Variants in HFM1 observed in about 807,000 individuals in gnomAD.
HFM1 encodes probable ATP-dependent DNA helicase HFM1.
Under a neutral mutation model 192.1 loss-of-function variants are expected in HFM1, and 169 were observed. That is an observed-to-expected ratio of 0.88 (90% CI 0.78 to 1.00). The LOEUF is 1.00. Ranked by LOEUF, HFM1 falls within the 50% of genes least tolerant of loss-of-function variation. HFM1 has a pLI of 0.00. For synonymous variants in HFM1, 525 were observed against 537.8 expected (o/e 0.98, Z 0.33); for missense variants, 1,661 against 1,668.0 (o/e 1.00, Z 0.07).
intron 13 of HFM1, among the ~76,000 whole-genome samples, chr1:91,353,545 A>G (rs1231190566): frequency 6.6e-6 from 1 of 151,474 alleles, no homozygotes; most frequent in African/African-American, 2.4e-5. Flanking sequence ...AGAAAACAAC[A>G]TAATTGGTGA....
At position 91,318,634 on chromosome 1, in the gene HFM1, G is replaced by A. The variant is rs575838073; in HGVS notation, c.2812+444C>T. 2.0e-5 allele frequency among the ~76,000 whole-genome samples: 3 copies of A among 151,800 alleles called. No homozygotes were observed. The South Asian group carries it at 6.2e-4, about 32-fold the overall frequency. Reference sequence around the variant, plus strand: ...TGAAAATCAGTATTAATACCCTACTGTTATTGAAAACAAAAAAAAAATTAA... The same window carrying A: ...TGAAAATCAGTATTAATACCCTACTATTATTGAAAACAAAAAAAAAATTAA... On this transcript the variant is annotated intron_variant, in intron 25 of 38. Transcript: ENST00000370425.
At chr1:91,351,310 G>C (rs1013457852) in intron 17 of HFM1, among the ~76,000 whole-genome samples, 1 of 151,102 alleles carries the variant, frequency 6.6e-6, no homozygotes, top group Admixed American at 6.6e-5. Flanking sequence ...TACAAATTAG[G>C]GTTTGTTATA....
intron 1 of HFM1, 38 bp downstream of exon 1, chr1:91,404,760 C>G (rs771659313): frequency 1.4e-5 from 6 of 430,014 alleles, no homozygotes; most frequent in Admixed American, 2.5e-5. Context: ...GGCCCCCGTC[C>G]CCACCTTCCC....
chr1:91,303,000 T>A (rs571238783), intron 30 of HFM1, among the ~76,000 whole-genome samples: 11 of 152,316 alleles, frequency 7.2e-5, no homozygotes, highest in Non-Finnish European at 1.3e-4. Context: ...CAATGGACTT[T>A]TAAATTTCTT....
At chr1:91,362,167 C>T (rs1451372521) in intron 13 of HFM1, among the ~76,000 whole-genome samples, 1 of 152,136 alleles carries the variant, frequency 6.6e-6, no homozygotes, top group Admixed American at 6.6e-5. Flanking sequence ...CACTCCTATT[C>T]AACACAGTTT....
chr1:91,352,945 A>C, intron 15 of HFM1, 106 bp downstream of exon 15: 1 of 722,138 alleles, frequency 1.4e-6, no homozygotes, highest in Non-Finnish European at 2.3e-6. Context: ...ATATTCTCAG[A>C]AGAAAAGCAG....
intron 20 of HFM1, among the ~76,000 whole-genome samples, chr1:91,340,332 A>C (rs535021202): frequency 6.6e-6 from 1 of 152,260 alleles, no homozygotes; most frequent in East Asian, 1.9e-4. Context: ...AAGAAAAGAA[A>C]CTCCAACCAT....
rs189479603 is a variant in HFM1, at chr1:91,286,594, A to G, written c.3392-9532T>C. On this transcript the variant is annotated intron_variant, in intron 30 of 38. Coordinates refer to ENST00000370425, the MANE Select transcript of HFM1 (RefSeq NM_001017975.6). ...ATGCAGTCATATTGGATTAGGGTCC[A>G]CCTTAACTTGATTATATCTGTAAAC... is the stretch of plus-strand genomic sequence containing the variant. 3.7e-3 allele frequency among the ~76,000 whole-genome samples: 570 copies of G among 152,262 alleles called. 5 individuals carry two copies. Among genetic ancestry groups the G allele is most frequent in the Non-Finnish European group, 4.6e-3 (314 of 68,022 alleles).
chr1:91,389,305 G>A (rs942578796), intron 4 of HFM1, among the ~76,000 whole-genome samples: 1 of 151,986 alleles, frequency 6.6e-6, no homozygotes, highest in African/African-American at 2.4e-5. Flanking sequence ...AGGATTACAG[G>A]CGCATGCCAC....
At chr1:91,355,672 T>C (rs574994807) in intron 13 of HFM1, among the ~76,000 whole-genome samples, 21 of 152,206 alleles carry the variant, frequency 1.4e-4, no homozygotes, top group African/African-American at 4.6e-4. Flanking sequence ...CACATAAGAA[T>C]TGTAAATATA....
rs565988819 is a variant in HFM1 at position 91,404,793 on chromosome 1, C to T, written c.-28+5G>A. On this transcript the variant is annotated splice_donor_5th_base_variant and intron_variant, in intron 1 of 38. Transcript: ENST00000370425. ...CCCCGCGGGCGTCCGGGCCCCTCTC[C>T]TCACCTCCCTGCGGACAGCTCCTAG... 23 of 451,430 alleles carry T rather than the reference C, an allele frequency of 5.1e-5. No homozygotes were observed. The East Asian group carries it at 1.2e-3, about 24-fold the overall frequency. 28.0% of individuals were successfully genotyped at this position (451,430 alleles called of 1,614,324 possible). A position where few individuals can be genotyped will look rare whatever the true frequency, so the allele number is the denominator to read the frequency against.
chr1:91,347,558 G>T, intron 18 of HFM1, 82 bp from the exon 19 acceptor site: 2 of 788,520 alleles, frequency 2.5e-6, no homozygotes, highest in Non-Finnish European at 4.0e-6. Context: ...GTGAAGAGCA[G>T]TCTAATGAAA....
chr1:91,372,313 C>T (rs1162274292), intron 13 of HFM1, among the ~76,000 whole-genome samples: 1 of 152,100 alleles, frequency 6.6e-6, no homozygotes, highest in Non-Finnish European at 1.5e-5. Flanking sequence ...GCACTATTCA[C>T]AATAGCAAAG....
At chr1:91,399,218 TTCTCC>T (rs1284123648) in intron 2 of HFM1, among the ~76,000 whole-genome samples, 1 of 152,148 alleles carries the variant, frequency 6.6e-6, no homozygotes, top group Non-Finnish European at 1.5e-5. Flanking sequence ...CCCAAAGATT[TTCTCC>T]TCCCTTCTTC....
At chr1:91,399,808 T>C (rs191592556) in intron 2 of HFM1, among the ~76,000 whole-genome samples, 1 of 152,156 alleles carries the variant, frequency 6.6e-6, no homozygotes, top group South Asian at 2.1e-4. Flanking sequence ...TGAAATTTCA[T>C]TGCATGAACA....
chr1:91,290,195 C>T (rs1198283510), intron 30 of HFM1, among the ~76,000 whole-genome samples: 2 of 151,906 alleles, frequency 1.3e-5, no homozygotes, highest in Non-Finnish European at 2.9e-5. Context: ...AATTCAAACA[C>T]AACAATATTA....
chr1:91,366,549 C>T (rs974913200), intron 13 of HFM1, among the ~76,000 whole-genome samples: 9 of 152,190 alleles, frequency 5.9e-5, no homozygotes, highest in Non-Finnish European at 1.2e-4. Context: ...CCCAGTTTAC[C>T]TTTATTCTAT....
intron 13 of HFM1, among the ~76,000 whole-genome samples, chr1:91,357,400 C>A (rs777872708): frequency 1.3e-5 from 2 of 152,178 alleles, no homozygotes; most frequent in African/African-American, 2.4e-5. Context: ...GCAAGTTCAA[C>A]ATCCTTTCTT....
At chr1:91,270,965 G>A (rs1356692520) in intron 34 of HFM1, among the ~76,000 whole-genome samples, 1 of 152,106 alleles carries the variant, frequency 6.6e-6, no homozygotes, top group African/African-American at 2.4e-5. Flanking sequence ...GGGGACTCTA[G>A]AATTCTGTTT....
Sources: allele counts gnomAD v4.1 joint callset (sites outside exome capture counted in the v4.1 genomes callset), GRCh38; gene constraint gnomAD v4.1.1; transcripts MANE v1.5; gene names NCBI Gene and HGNC (gene_info 2026-07-23, HGNC 2026-07-21).